The following RBM4 variants were observed in gnomAD, a reference collection of about 807,000 sequenced individuals.
RBM4 encodes the protein RNA binding motif protein 4.
Under a neutral mutation model 29.5 loss-of-function variants are expected in RBM4, and 7 were observed. The observed-to-expected ratio is 0.24, with a 90% CI of 0.14 to 0.45. The LOEUF (loss-of-function observed/expected upper bound fraction) is 0.45. Ranked by LOEUF, RBM4 falls within the 20% of genes least tolerant of loss-of-function variation. The probability of loss-of-function intolerance (pLI) is 1.00; values close to 1 mark genes in which losing one functional copy is unlikely to be tolerated. For synonymous variants in RBM4, 220 were observed against 205.4 expected, an observed-to-expected ratio of 1.07 and a Z score of -0.61; for missense variants, 387 against 502.3, an observed-to-expected ratio of 0.77 and a Z score of 2.19.
chr11:66,658,092 G>C (rs1277970833), intron 2 of RBM4, among the ~76,000 whole-genome samples: 1 of 151,336 alleles, frequency 6.6e-6, no homozygotes, highest in Non-Finnish European at 1.5e-5. Context: ...GCAACGGCAC[G>C]ATCTCGGCTC....
chr11:66,667,286 CT>C (rs1939272914), exon 3 of RBM4: 1 of 152,212 alleles, frequency 6.6e-6, no homozygotes, highest in Non-Finnish European at 1.5e-5. Flanking sequence ...CATTTTAGCA[CT>C]TTTGGTACAC....
At chr11:66,646,608 C>A, downstream of RBM4, 1 of 959,212 alleles carries the variant, frequency 1.0e-6, no homozygotes, top group Non-Finnish European at 1.2e-6. Flanking sequence ...GTAAGTAGGA[C>A]TTGTAGGTGC....
At position 66,654,533 on chromosome 11, in the gene RBM4, A is replaced by G. The variant is rs1222775372; in HGVS notation, c.413-11323A>G. On this transcript the variant is annotated intron_variant, in intron 2 of 2. Transcript: ENST00000396053. Reference sequence around the variant, plus strand: ...TTTTTTATTTTTGAGACAAGGTCTCACTTTGTCCTCTAGGCTGGAGTGCTG... The same window carrying G: ...TTTTTTATTTTTGAGACAAGGTCTCGCTTTGTCCTCTAGGCTGGAGTGCTG... Among the ~76,000 whole-genome samples, 4 of 152,046 alleles carry G rather than the reference A, an allele frequency of 2.6e-5. No individual in the cohort carries two copies. The South Asian group carries it at 8.3e-4, about 32-fold the overall frequency.
chr11:66,659,482 T>C (rs139438196), intron 2 of RBM4, among the ~76,000 whole-genome samples: 9 of 152,066 alleles, frequency 5.9e-5, no homozygotes, highest in Non-Finnish European at 1.2e-4. Context: ...GATTTCACCA[T>C]ATTGGCCAGG....
At chr11:66,647,450 G>A (rs561890950), downstream of RBM4, among the ~76,000 whole-genome samples, 2 of 152,274 alleles carry the variant, frequency 1.3e-5, no homozygotes, top group South Asian at 4.1e-4. Context: ...TGTACGTGAA[G>A]CCTGTGCTGG....
At chr11:66,647,444 C>T (rs624561), downstream of RBM4, among the ~76,000 whole-genome samples, 102,344 of 152,158 alleles carry the variant, frequency 0.67, 35,601 homozygotes, top group South Asian at 0.83. Context: ...TATTTTTGTA[C>T]GTGAAGCCTG....
intron 2 of RBM4, among the ~76,000 whole-genome samples, chr11:66,654,375 A>T (rs1265287163): frequency 1.3e-5 from 2 of 151,864 alleles, no homozygotes; most frequent in Non-Finnish European, 2.9e-5. Flanking sequence ...GGGCGCCTGT[A>T]GTCCCAGCTA....
In RBM4 at chr11:66,657,526, G is replaced by T. The variant is rs965122301; in HGVS notation, c.413-8330G>T. Among the ~76,000 whole-genome samples the T allele has an allele frequency of 1.3e-4, 20 of 151,466 alleles. No individual in the cohort carries two copies. The East Asian group carries it at 1.6e-3, about 12-fold the overall frequency. The stretch of plus-strand genomic sequence containing the variant: ...ATGAAACCCCGTCTCTACTAAAAAT[G>T]TAAAATATTAGCCAGTTGTCGTGGT... On this transcript the variant is annotated intron_variant, in intron 2 of 2. Transcript: ENST00000396053.
chr11:66,660,116 C>G (rs1035952694), intron 2 of RBM4, among the ~76,000 whole-genome samples: 1 of 149,184 alleles, frequency 6.7e-6, no homozygotes, highest in East Asian at 1.9e-4. Flanking sequence ...TGAGCTCTTT[C>G]CTGCCTCAGG....
rs888430952 is a variant in RBM4, at chr11:66,646,401, C to G, written c.*383C>G. Reference sequence around the variant, plus strand: ...ACTGCTCCAGGGTCTCTTTTTGGTCCAAAGGCTAGACCTATAGAGTTGGAT... The same window carrying G: ...ACTGCTCCAGGGTCTCTTTTTGGTCGAAAGGCTAGACCTATAGAGTTGGAT... On this transcript the variant is annotated 3_prime_UTR_variant, in exon 4 of 4. Transcript: ENST00000310092. 42 of 1,122,556 alleles carry G rather than the reference C, an allele frequency of 3.7e-5. No individual in the cohort carries two copies. Among genetic ancestry groups the G allele is most frequent in the Middle Eastern group, 3.8e-4 (1 of 2,602 alleles). The allele number at this position is 1,122,556 out of a possible 1,614,324, so 69.5% of individuals were successfully genotyped here. A position where few individuals can be genotyped will look rare whatever the true frequency, so the allele number is the denominator to read the frequency against.
intron 2 of RBM4, among the ~76,000 whole-genome samples, chr11:66,652,642 G>A (rs145850785): frequency 2.7e-4 from 41 of 152,290 alleles, no homozygotes; most frequent in African/African-American, 9.9e-4. Context: ...AGCTTCTCAT[G>A]AGATGCAAAT....
rs1452275613 is a variant in RBM4, at chr11:66,646,223, T to G, written c.*205T>G. 6.9e-7 allele frequency: 1 copy of G among 1,449,280 alleles called. No individual in the cohort carries two copies. The highest frequency in any genetic ancestry group is 9.1e-7 in the Non-Finnish European group (1 of 1,102,684). The allele number at this position is 1,449,280 out of a possible 1,614,324, so 89.8% of individuals were successfully genotyped here. A position where few individuals can be genotyped will look rare whatever the true frequency, so the allele number is the denominator to read the frequency against. On this transcript the variant is annotated 3_prime_UTR_variant, in exon 4 of 4. Coordinates refer to ENST00000310092, the MANE Select transcript of RBM4 (RefSeq NM_002896.4). ...TCTCCTGCCCATTTTCCTGTTCTTC[T>G]GTCCTTCAATACTTCTGTAGCTTCC... is the stretch of plus-strand genomic sequence containing the variant.
At chr11:66,656,805 T>C (rs1204457918) in intron 2 of RBM4, among the ~76,000 whole-genome samples, 1 of 152,040 alleles carries the variant, frequency 6.6e-6, no homozygotes, top group East Asian at 1.9e-4. Context: ...GGATTATAGA[T>C]GCATGCCACC....
downstream of RBM4, chr11:66,650,003 C>T (rs1247237246): frequency 7.9e-6 from 4 of 504,770 alleles, no homozygotes; most frequent in Non-Finnish European, 1.4e-5. Context: ...TCCCTGATTA[C>T]CTGCAATTAG....
intron 2 of RBM4, among the ~76,000 whole-genome samples, chr11:66,664,409 C>T (rs1939156688): frequency 1.3e-5 from 2 of 152,066 alleles, no homozygotes; most frequent in Admixed American, 1.3e-4. Flanking sequence ...CTCGGTCTCC[C>T]AAAGTGCTGA....
intron 2 of RBM4, among the ~76,000 whole-genome samples, chr11:66,657,682 C>CAAA (rs763265823): frequency 1.4e-4 from 4 of 28,052 alleles, no homozygotes; most frequent in African/African-American, 2.2e-4. Context: ...GATTCCATCT[C>CAAA]AAAAAAAAAA....
intron 2 of RBM4, among the ~76,000 whole-genome samples, chr11:66,651,676 G>A (rs1228831760): frequency 6.6e-6 from 1 of 152,062 alleles, no homozygotes. Flanking sequence ...GTCCGTTTGA[G>A]GTGCTGTAAC....
Position 66,646,442 on chromosome 11 carries a change from C to A in RBM4, c.*424C>A. On this transcript the variant is annotated 3_prime_UTR_variant, in exon 4 of 4. Transcript: ENST00000310092. Reference sequence around the variant, plus strand: ...AGAGTTGGATCACTTTTTTTCTTTCCGGTGAAATAAATGGTTTTTCAACTT... The same window carrying A: ...AGAGTTGGATCACTTTTTTTCTTTCAGGTGAAATAAATGGTTTTTCAACTT... The A allele has an allele frequency of 9.8e-7, 1 of 1,020,850 alleles. No individual in the cohort carries two copies. 63.2% of individuals were successfully genotyped at this position (1,020,850 alleles called of 1,614,324 possible).
chr11:66,647,486 C>G (rs1234134126), downstream of RBM4, among the ~76,000 whole-genome samples: 1 of 152,168 alleles, frequency 6.6e-6, no homozygotes, highest in Non-Finnish European at 1.5e-5. Flanking sequence ...ATTTAATCTT[C>G]CCAGCAAATG....
Sources: gnomAD v4.1 joint callset for allele counts (sites outside exome capture counted in the v4.1 genomes callset) on GRCh38, gnomAD v4.1.1 for gene constraint, MANE v1.5 for transcripts, NCBI Gene and HGNC (gene_info 2026-07-23, HGNC 2026-07-21) for gene names.